Variants in LPIN1 observed in about 807,000 individuals in gnomAD.
LPIN1 encodes lipin 1, also known as phosphatidate phosphatase LPIN1.
Under a neutral mutation model 107.5 loss-of-function variants are expected in LPIN1, and 71 were observed. The ratio of observed to expected loss-of-function variants is 0.66; its 90% confidence interval spans 0.55 to 0.80. The LOEUF (loss-of-function observed/expected upper bound fraction) is 0.80, where lower values mean the gene tolerates loss of function less well. LPIN1 is among the 30% of genes least tolerant of loss of function. The pLI, the probability that LPIN1 is intolerant of heterozygous loss-of-function variation, is 0.00. For missense variants in LPIN1, 1,043 were observed against 1,160.6 expected, an observed-to-expected ratio of 0.90 and a Z score of 1.47; for synonymous variants, 445 against 452.6, an observed-to-expected ratio of 0.98 and a Z score of 0.21.
At chr2:11,694,851 C>G (rs1203913243) in intron 1 of LPIN1, among the ~76,000 whole-genome samples, 4 of 152,224 alleles carry the variant, frequency 2.6e-5, no homozygotes, top group Admixed American at 2.6e-4. Context: ...ATTCCTGAAT[C>G]CTCACCACTA....
At chr2:11,743,923 A>G (rs950955031), upstream of LPIN1, among the ~76,000 whole-genome samples, 5 of 152,202 alleles carry the variant, frequency 3.3e-5, no homozygotes, top group East Asian at 7.7e-4. The surrounding 1 kb of genome is among the most constrained non-coding windows in gnomAD (Gnocchi z 4.7). Context: ...TGGGCTCAGC[A>G]GTGAACAGAT....
chr2:11,747,524 A>AACCCGGCAGTTTCCCACAGGAT (rs1214867490), intron 1 of LPIN1, among the ~76,000 whole-genome samples: 7 of 152,202 alleles, frequency 4.6e-5, no homozygotes, highest in Non-Finnish European at 1.0e-4. Context: ...GATGTTTTAG[A>AACCCGGCAGTTTCCCACAGGAT]ACCCGGCAGT....
Position 11,765,673 on chromosome 2 carries a change from A to G in LPIN1, c.132A>G (p.Gln44=), listed in dbSNP as rs1179146296. 2.5e-6 allele frequency: 4 copies of G among 1,613,874 alleles called. No homozygotes were observed. The highest frequency in any genetic ancestry group is 1.7e-5 in the Admixed American group (1 of 59,996). ...TCCGCCAGCCCAATGGAAACCTCCA[A>G]TGCTCCCCTTTCCACGTCCGCTTTG... ...IVIRQPNGNL[Q]CSPFHVRFGK... is the part of the protein sequence containing the mutation. Residue 44 remains glutamine (Q), a synonymous_variant, in exon 2 of 21, where the codon CAA becomes CAG. Coordinates refer to ENST00000674199, the MANE Select transcript of LPIN1 (RefSeq NM_001349206.2). The surrounding 1 kb of genome is among the most constrained non-coding windows in gnomAD (Gnocchi z 4.4).
intron 9 of LPIN1, chr2:11,784,673 GATGCAGCCA>G: frequency 1.6e-6 from 1 of 635,444 alleles, no homozygotes; most frequent in Non-Finnish European, 2.9e-6. Context: ...GATACAGGGA[GATGCAGCCA>G]GCTGAGAAGT....
chr2:11,731,186 C>T (rs1665159714), intron 1 of LPIN1, among the ~76,000 whole-genome samples: 1 of 152,148 alleles, frequency 6.6e-6, no homozygotes, highest in South Asian at 2.1e-4. Flanking sequence ...GGTTTAAGCC[C>T]TGCATGCGTT....
chr2:11,698,202 T>C (rs1307021103), intron 1 of LPIN1, among the ~76,000 whole-genome samples: 1 of 152,214 alleles, frequency 6.6e-6, no homozygotes, highest in Non-Finnish European at 1.5e-5. Flanking sequence ...TCAGGCTGTC[T>C]GTTCTCCCCT....
At chr2:11,780,731 G>A (rs2148653808) in intron 7 of LPIN1, among the ~76,000 whole-genome samples, 1 of 152,308 alleles carries the variant, frequency 6.6e-6, no homozygotes, top group East Asian at 1.9e-4. Context: ...GAACCTCAGT[G>A]TCTTCATCTG....
At chr2:11,698,091 C>G (rs974963222) in intron 1 of LPIN1, among the ~76,000 whole-genome samples, 3 of 152,178 alleles carry the variant, frequency 2.0e-5, no homozygotes, top group Non-Finnish European at 4.4e-5. Flanking sequence ...AGGTCCTGAT[C>G]CTGCTGGGAT....
At position 11,824,735 on chromosome 2, in the gene LPIN1, TG is replaced by T; in HGVS notation, c.2727del (p.Trp909Ter). The T allele has an allele frequency of 6.2e-7, 1 of 1,614,204 alleles. No individual in the cohort carries two copies. Among genetic ancestry groups the T allele is most frequent in the Non-Finnish European group, 8.5e-7 (1 of 1,180,044 alleles). Reference protein sequence around the residue: ...CSDTFSNFTFWREPLPPFENQ... With the variant: ...CSDTFSNFTFXREPLPPFENQ... Reference sequence around the variant, plus strand: ...GGATACCTTCAGTAACTTCACCTTTTGGAGAGAGCCACTGCCACCTTTTGAA... The same window carrying T: ...GGATACCTTCAGTAACTTCACCTTTTGAGAGAGCCACTGCCACCTTTTGAA... On this transcript the variant is annotated frameshift_variant, in exon 21 of 21. Coordinates refer to ENST00000674199, the MANE Select transcript of LPIN1 (RefSeq NM_001349206.2). LOFTEE classifies it high-confidence loss of function.
At chr2:11,780,238 C>T (rs1276549864) in intron 7 of LPIN1, among the ~76,000 whole-genome samples, 5 of 152,210 alleles carry the variant, frequency 3.3e-5, no homozygotes. Flanking sequence ...ATACAACTTA[C>T]ACACAATCTT....
chr2:11,792,129 C>T (rs1383185545), intron 13 of LPIN1, 123 bp downstream of exon 13: 1 of 828,902 alleles, frequency 1.2e-6, no homozygotes, highest in Non-Finnish European at 2.0e-6. Flanking sequence ...TTTCCATGAG[C>T]CAGCTCTGCC....
chr2:11,813,731 A>G (rs746737891), intron 17 of LPIN1, among the ~76,000 whole-genome samples: 21 of 152,062 alleles, frequency 1.4e-4, no homozygotes, highest in Non-Finnish European at 2.5e-4. Context: ...CCTGGCCAAC[A>G]TGGTGAAACT....
chr2:11,737,712 C>T (rs1401096855), intron 1 of LPIN1, among the ~76,000 whole-genome samples: 7 of 152,122 alleles, frequency 4.6e-5, no homozygotes, highest in South Asian at 2.1e-4. Flanking sequence ...GTTAGAATGG[C>T]GATCATCAAA....
At chr2:11,801,207 A>C (rs1211502123) in intron 14 of LPIN1, among the ~76,000 whole-genome samples, 6 of 152,252 alleles carry the variant, frequency 3.9e-5, no homozygotes, top group African/African-American at 1.4e-4. Flanking sequence ...GATTTCTTAG[A>C]AAACTAAAAA....
chr2:11,789,818 A>G (rs1336164249), intron 12 of LPIN1, among the ~76,000 whole-genome samples: 11 of 152,274 alleles, frequency 7.2e-5, no homozygotes, highest in Non-Finnish European at 1.5e-4. Flanking sequence ...TATTCACTGA[A>G]GAAGAAATCC....
At chr2:11,789,251 T>C (rs1302840441) in intron 12 of LPIN1, among the ~76,000 whole-genome samples, 1 of 152,230 alleles carries the variant, frequency 6.6e-6, no homozygotes, top group Non-Finnish European at 1.5e-5. Context: ...GAGTCTAGGC[T>C]TGCTGCTTCC....
chr2:11,683,617 C>T (rs1661843331), intron 1 of LPIN1, among the ~76,000 whole-genome samples: 1 of 152,178 alleles, frequency 6.6e-6, no homozygotes, highest in Non-Finnish European at 1.5e-5. Flanking sequence ...TTTGTCCCTG[C>T]CTCCTGCCTC....
chr2:11,704,808 G>A lies in LPIN1; in HGVS notation c.82-8948G>A, dbSNP rs139484845. ...CTGCTCCATGGAGTTTCCTCTGCCGGGGATCCTGCTATCTGAATACCTCCA... is the reference window on the plus strand; with the variant it reads ...CTGCTCCATGGAGTTTCCTCTGCCGAGGATCCTGCTATCTGAATACCTCCA... On this transcript the variant is annotated intron_variant, in intron 1 of 21. Transcript: ENST00000449576. Among the ~76,000 whole-genome samples, 426 of 152,280 alleles carry A rather than the reference G, an allele frequency of 2.8e-3. 1 individual carries two copies. Among genetic ancestry groups the A allele is most frequent in the African/African-American group, 9.7e-3 (401 of 41,554 alleles).
Position 11,804,576 on chromosome 2 carries a change from G to T in LPIN1, c.2162+5G>T. On this transcript the variant is annotated splice_donor_5th_base_variant and intron_variant, in intron 16 of 20. Transcript: ENST00000674199. ...TATTGATGGGACAATTACCAGGTAG[G>T]TCCTGCTGACTTGGGGCCCATGGTA... The T allele has an allele frequency of 6.2e-7, 1 of 1,613,936 alleles. No individual in the cohort carries two copies. The highest frequency in any genetic ancestry group is 8.5e-7 in the Non-Finnish European group (1 of 1,180,022).
Sources: gnomAD v4.1 joint callset for allele counts (sites outside exome capture counted in the v4.1 genomes callset) on GRCh38, gnomAD v4.1.1 for gene constraint, Gnocchi (gnomAD v3.1) non-coding constraint, MANE v1.5 for transcripts, NCBI Gene and HGNC (gene_info 2026-07-23, HGNC 2026-07-21) for gene names.